THEM4: variants seen among roughly 807,000 people sequenced by gnomAD.
THEM4 encodes the protein thioesterase superfamily member 4.
In THEM4, 22 loss-of-function variants were observed where a neutral mutation model predicts 25.0. That is an observed-to-expected ratio of 0.88 (90% CI 0.63 to 1.26). The LOEUF is 1.26. THEM4 is among the 50% of genes most tolerant of loss of function. The probability of loss-of-function intolerance (pLI) is 0.00; values close to 1 mark genes in which losing one functional copy is unlikely to be tolerated. For missense variants in THEM4, 286 were observed against 300.3 expected (o/e 0.95, Z 0.35); for synonymous variants, 113 against 105.6 (o/e 1.07, Z -0.43).
chr1:151,876,076 C>A (rs185632286), intron 5 of THEM4, among the ~76,000 whole-genome samples: 1 of 152,344 alleles, frequency 6.6e-6, no homozygotes, highest in Admixed American at 6.5e-5. Flanking sequence ...CAAGTGAACA[C>A]AGCCAACAAC....
chr1:151,890,342 C>A, intron 2 of THEM4: 1 of 311,500 alleles, frequency 3.2e-6, no homozygotes, highest in Non-Finnish European at 6.9e-6. Flanking sequence ...TGGATTGAAT[C>A]AAAATATAGG....
intron 4 of THEM4, among the ~76,000 whole-genome samples, chr1:151,881,725 C>G (rs548052916): frequency 6.6e-6 from 1 of 152,324 alleles, no homozygotes; most frequent in African/African-American, 2.4e-5. Context: ...AATGGCTGCT[C>G]TATCTTAGCT....
At chr1:151,905,106 TAC>T (rs3071220) in intron 1 of THEM4, among the ~76,000 whole-genome samples, 134,620 of 151,994 alleles carry the variant, frequency 0.89, 59,786 homozygotes, top group South Asian at 0.93. Flanking sequence ...GAGCTTTGGT[TAC>T]ACATTTATAA....
chr1:151,884,116 AAGG>A (rs1653909239), intron 4 of THEM4, among the ~76,000 whole-genome samples: 1 of 151,020 alleles, frequency 6.6e-6, no homozygotes, highest in African/African-American at 2.5e-5. Flanking sequence ...TAAATAAAGG[AAGG>A]AAGGAAGAAG....
At chr1:151,881,730 T>G (rs1289706426) in intron 4 of THEM4, among the ~76,000 whole-genome samples, 1 of 152,258 alleles carries the variant, frequency 6.6e-6, no homozygotes, top group Non-Finnish European at 1.5e-5. Flanking sequence ...CTGCTCTATC[T>G]TAGCTCTGCT....
intron 1 of THEM4, among the ~76,000 whole-genome samples, chr1:151,903,272 AT>A (rs1558194786): frequency 6.6e-6 from 1 of 152,142 alleles, no homozygotes; most frequent in Non-Finnish European, 1.5e-5. Flanking sequence ...TTTCCTCCAA[AT>A]TTTTTAAATA....
chr1:151,885,476 T>C (rs527416220), intron 4 of THEM4, among the ~76,000 whole-genome samples: 2 of 152,384 alleles, frequency 1.3e-5, no homozygotes, highest in East Asian at 1.9e-4. Context: ...TGTATTTGAT[T>C]ATCATCATAT....
At chr1:151,888,427 G>A in intron 3 of THEM4, 44 bp from the exon 4 acceptor site, 1 of 1,447,036 alleles carries the variant, frequency 6.9e-7, no homozygotes, top group Non-Finnish European at 9.6e-7. Flanking sequence ...CAGAAGTTCT[G>A]AAGATAGAGA....
intron 4 of THEM4, among the ~76,000 whole-genome samples, chr1:151,880,380 A>C (rs1028953715): frequency 2.6e-5 from 4 of 152,034 alleles, no homozygotes; most frequent in Non-Finnish European, 5.9e-5. Flanking sequence ...TGGGAGGCTG[A>C]GACAGGAGAA....
At chr1:151,892,973 T>C (rs375409845) in intron 2 of THEM4, among the ~76,000 whole-genome samples, 2 of 152,124 alleles carry the variant, frequency 1.3e-5, no homozygotes, top group African/African-American at 4.8e-5. Context: ...AGAAGTTATG[T>C]TCAAACAGAA....
At chr1:151,881,107 T>C (rs895127976) in intron 4 of THEM4, among the ~76,000 whole-genome samples, 1 of 152,192 alleles carries the variant, frequency 6.6e-6, no homozygotes, top group Non-Finnish European at 1.5e-5. Flanking sequence ...CTACATGCTA[T>C]TGTTATCCAG....
chr1:151,909,491 C>T lies in THEM4; in HGVS notation c.-33G>A, dbSNP rs1034150056. ...GGCCGCGGGGCCGCGCTTGCTCTAG[C>T]CCTGGACGGCGCACTCTACCTCCGC... On this transcript the variant is annotated 5_prime_UTR_variant, in exon 1 of 6. Transcript: ENST00000368814. The T allele has an allele frequency of 1.5e-6, 2 of 1,345,918 alleles. No individual in the cohort carries two copies. Among genetic ancestry groups the T allele is most frequent in the Non-Finnish European group, 1.9e-6 (2 of 1,052,946 alleles). The allele number at this position is 1,345,918 out of a possible 1,614,324, so 83.4% of individuals were successfully genotyped here. A position where few individuals can be genotyped will look rare whatever the true frequency, so the allele number is the denominator to read the frequency against.
intron 5 of THEM4, among the ~76,000 whole-genome samples, chr1:151,875,235 G>T (rs1292154941): frequency 6.6e-6 from 1 of 152,172 alleles, no homozygotes; most frequent in Non-Finnish European, 1.5e-5. Context: ...ATATTGAAAG[G>T]TTTAGTGAGA....
chr1:151,889,227 C>T lies in THEM4; in HGVS notation c.433G>A (p.Glu145Lys), dbSNP rs1433724350. ...VCLFQGGPYL[E>K]GPPGFIHGGA... ...TATCATTCTTACCCAGGTGGTCCTTCCAGGTAAGGGCCTCCTTGAAATAAG... is the reference window on the plus strand; with the variant it reads ...TATCATTCTTACCCAGGTGGTCCTTTCAGGTAAGGGCCTCCTTGAAATAAG... Residue 145 changes from glutamate to lysine, a missense_variant, in exon 3 of 6, where the codon GAA becomes AAA. By Grantham distance (56) the Glu-to-Lys change is moderately conservative (BLOSUM62 1). Transcript: ENST00000368814. The T allele has an allele frequency of 6.2e-7, 1 of 1,612,480 alleles. No homozygotes were observed. Among genetic ancestry groups the T allele is most frequent in the South Asian group, 1.1e-5 (1 of 91,016 alleles).
chr1:151,884,673 A>G (rs1401069936), intron 4 of THEM4, among the ~76,000 whole-genome samples: 1 of 134,266 alleles, frequency 7.4e-6, no homozygotes, highest in Non-Finnish European at 1.5e-5. Flanking sequence ...TTACACTTTC[A>G]TTTCCTTTTT....
At chr1:151,875,048 A>G (rs1653644631) in intron 5 of THEM4, 120 bp from the exon 6 acceptor site, 3 of 822,382 alleles carry the variant, frequency 3.6e-6, no homozygotes, top group Non-Finnish European at 4.1e-6. Flanking sequence ...GCTTCAGTCT[A>G]TCTGTCCACT....
rs1206198161 is a variant in THEM4, at chr1:151,894,995, T to C, written c.286+13A>G. On this transcript the variant is annotated intron_variant, in intron 2 of 5. Coordinates refer to ENST00000368814, the MANE Select transcript of THEM4 (RefSeq NM_053055.5). ...ATGCTCAGATATATTAATGGGAAAG[T>C]GGCTGTTTCTACCAAGAAAATGGGT... The C allele has an allele frequency of 1.2e-6, 2 of 1,613,574 alleles. No homozygotes were observed. Among genetic ancestry groups the C allele is most frequent in the Non-Finnish European group, 1.7e-6 (2 of 1,179,494 alleles).
intron 4 of THEM4, among the ~76,000 whole-genome samples, chr1:151,886,952 G>A (rs1653984091): frequency 6.6e-6 from 1 of 152,126 alleles, no homozygotes; most frequent in Non-Finnish European, 1.5e-5. Context: ...AAATTGGAAA[G>A]GAAGAAGTAC....
intron 1 of THEM4, among the ~76,000 whole-genome samples, chr1:151,906,523 C>T: frequency 6.6e-6 from 1 of 152,228 alleles, no homozygotes; most frequent in East Asian, 1.9e-4. Flanking sequence ...GGAGTGTGGG[C>T]ACACAGCGTG....
Sources: allele counts gnomAD v4.1 joint callset (sites outside exome capture counted in the v4.1 genomes callset), GRCh38; gene constraint gnomAD v4.1.1; transcripts MANE v1.5; gene names NCBI Gene and HGNC (gene_info 2026-07-23, HGNC 2026-07-21).